KCNT2: variants seen among roughly 807,000 people sequenced by gnomAD.
KCNT2 encodes potassium channel subfamily T member 2.
KCNT2 carries 67 observed loss-of-function variants against 153.8 expected under a neutral mutation model. The ratio of observed to expected loss-of-function variants is 0.44; its 90% CI spans 0.36 to 0.53. The LOEUF is 0.53. Ranked by LOEUF, KCNT2 falls within the 20% of genes least tolerant of loss-of-function variation. KCNT2 has a pLI of 0.00. For missense variants in KCNT2, 975 were observed against 1,354.8 expected (o/e 0.72, Z 4.40); for synonymous variants, 500 against 458.8 (o/e 1.09, Z -1.15).
chr1:196,263,075 A>G (rs1277795906), intron 25 of KCNT2, among the ~76,000 whole-genome samples: 1 of 152,168 alleles, frequency 6.6e-6, no homozygotes, highest in African/African-American at 2.4e-5. Context: ...TGGAATGACA[A>G]AAATTATTTT....
intron 1 of KCNT2, among the ~76,000 whole-genome samples, chr1:196,602,971 A>G (rs1310194516): frequency 6.6e-6 from 1 of 150,708 alleles, no homozygotes; most frequent in Non-Finnish European, 1.5e-5. Context: ...TATTTTTAGT[A>G]GAGACGGGGT....
chr1:196,563,222 C>A (rs1183973861), intron 1 of KCNT2, among the ~76,000 whole-genome samples: 1 of 151,752 alleles, frequency 6.6e-6, no homozygotes, highest in Non-Finnish European at 1.5e-5. Flanking sequence ...TTTGGTTATT[C>A]TCTTTTAGGG....
intron 3 of KCNT2, among the ~76,000 whole-genome samples, chr1:196,483,441 T>G (rs1679171759): frequency 6.6e-6 from 1 of 152,192 alleles, no homozygotes; most frequent in Non-Finnish European, 1.5e-5. Context: ...GCAAATACAC[T>G]GATTCTTTCA....
At chr1:196,502,357 T>C (rs1391583568) in intron 1 of KCNT2, among the ~76,000 whole-genome samples, 2 of 152,222 alleles carry the variant, frequency 1.3e-5, no homozygotes, top group African/African-American at 4.8e-5. Flanking sequence ...TTTGATGACA[T>C]TTAGTAGCAT....
At chr1:196,463,482 T>A (rs142385158) in intron 8 of KCNT2, among the ~76,000 whole-genome samples, 13 of 151,840 alleles carry the variant, frequency 8.6e-5, no homozygotes, top group African/African-American at 3.1e-4. Flanking sequence ...TAAAATTGTA[T>A]GTAGTTAAAC....
intron 13 of KCNT2, among the ~76,000 whole-genome samples, chr1:196,397,449 T>A (rs945176891): frequency 6.6e-6 from 1 of 151,492 alleles, no homozygotes. Flanking sequence ...GGCACTGTTA[T>A]TTTTAAATTT....
At chr1:196,432,329 G>C (rs1276909254) in intron 8 of KCNT2, among the ~76,000 whole-genome samples, 2 of 152,122 alleles carry the variant, frequency 1.3e-5, no homozygotes, top group African/African-American at 4.8e-5. Context: ...TCCCCAACTA[G>C]AGCAATGCCT....
Position 196,334,006 on chromosome 1 carries a change from G to A in KCNT2, c.1838C>T (p.Thr613Ile), listed in dbSNP as rs1558158400. The A allele has an allele frequency of 6.2e-7, 1 of 1,613,370 alleles. No individual in the cohort carries two copies. The highest frequency in any genetic ancestry group is 2.2e-5 in the East Asian group (1 of 44,760). The change falls in exon 17 of 28, where the codon ACC becomes ATC. Residue 613 changes from threonine to isoleucine, a missense_variant. Thr to Ile is a moderately conservative substitution (Grantham distance 89). This residue lies in a region of KCNT2 where 325 missense variants were observed against 388.1 expected (regional missense o/e 0.84). Transcript: ENST00000294725. Reference protein sequence around the residue: ...DTSCRSASGPTLSLPTEGSKE... With the variant: ...DTSCRSASGPILSLPTEGSKE... ...GCTTCCCTCTGTAGGAAGAGACAGG[G>A]TAGGGCCACTTGCTGATCTACAGCT...
At chr1:196,593,800 G>A (rs570464669) in intron 1 of KCNT2, among the ~76,000 whole-genome samples, 8 of 152,090 alleles carry the variant, frequency 5.3e-5, no homozygotes, top group South Asian at 2.1e-4. Flanking sequence ...TTTGAATAGC[G>A]TACCTTCTAT....
At chr1:196,543,019 C>G (rs1382338038) in intron 1 of KCNT2, among the ~76,000 whole-genome samples, 2 of 152,000 alleles carry the variant, frequency 1.3e-5, no homozygotes, top group Non-Finnish European at 2.9e-5. Flanking sequence ...GTAGTGTTAG[C>G]AACATAAATA....
chr1:196,319,066 G>A (rs1196671024), intron 20 of KCNT2, among the ~76,000 whole-genome samples: 4 of 151,580 alleles, frequency 2.6e-5, no homozygotes, highest in Non-Finnish European at 5.9e-5. Context: ...AAACTCTAAA[G>A]GAATTGCTCC....
intron 7 of KCNT2, among the ~76,000 whole-genome samples, chr1:196,467,405 C>G (rs1307210386): frequency 6.7e-6 from 1 of 150,328 alleles, no homozygotes. Context: ...CAAATTTACA[C>G]TATGCATCAC....
chr1:196,584,168 G>GATAAA lies in KCNT2; in HGVS notation c.95+24042_95+24046dup, dbSNP rs67886282. Among the ~76,000 whole-genome samples the GATAAA allele has an allele frequency of 1.9e-3, 265 of 141,062 alleles. 2 individuals carry two copies. The highest frequency in any genetic ancestry group is 4.8e-3 in the African/African-American group (181 of 37,822). The allele number at this position is 141,062 out of a possible 152,430, so 92.5% of individuals were successfully genotyped here. A position where few individuals can be genotyped will look rare whatever the true frequency, so the allele number is the denominator to read the frequency against. ...CAATGATACTAGCATCTGGAATTAA[G>GATAAA]ATAAAATAAAATAAAATAAAATAAA... is the stretch of plus-strand genomic sequence containing the variant. On this transcript the variant is annotated intron_variant, in intron 1 of 27. Coordinates refer to ENST00000294725, the MANE Select transcript of KCNT2 (RefSeq NM_198503.5).
At chr1:196,548,133 T>TA (rs11296124) in intron 1 of KCNT2, among the ~76,000 whole-genome samples, 6 of 151,536 alleles carry the variant, frequency 4.0e-5, no homozygotes, top group African/African-American at 7.3e-5. Flanking sequence ...ATAAAAATAG[T>TA]AAAAAAAACA....
chr1:196,465,297 T>G lies in KCNT2; in HGVS notation c.634A>C (p.Thr212Pro), dbSNP rs750424763. 1 of 1,514,812 alleles carries G rather than the reference T, an allele frequency of 6.6e-7. No individual in the cohort carries two copies. The highest frequency in any genetic ancestry group is 1.1e-5 in the South Asian group (1 of 88,050). The allele number at this position is 1,514,812 out of a possible 1,614,324, so 93.8% of individuals were successfully genotyped here. A position where few individuals can be genotyped will look rare whatever the true frequency, so the allele number is the denominator to read the frequency against. Residue 212 changes from threonine (T) to proline (P), a missense_variant, in exon 8 of 28, where the codon ACC (threonine) becomes CCC (proline). Thr to Pro is a conservative substitution (Grantham distance 38). Transcript: ENST00000294725. ...LISTLLCLIFTCICGIQHLER... is the reference protein window; with the variant it reads ...LISTLLCLIFPCICGIQHLER... ...TTCTGATATGTACAATCTTACCAGG[T>G]GAAGATAAGGCATAGTAATGTAGAT...
intron 11 of KCNT2, among the ~76,000 whole-genome samples, chr1:196,425,599 T>C (rs560159273): frequency 3.9e-5 from 6 of 152,092 alleles, no homozygotes; most frequent in Admixed American, 2.6e-4. Flanking sequence ...ACTTTTTTCA[T>C]TGTGCTGTGT....
rs188692287 is a variant in KCNT2 at position 196,357,547 on chromosome 1, A to G, written c.1404-15319T>C. Among the ~76,000 whole-genome samples, 531 of 151,960 alleles carry G rather than the reference A, an allele frequency of 3.5e-3. 7 individuals are homozygous for G. The highest frequency in any genetic ancestry group is 0.012 in the African/African-American group (501 of 41,478). On this transcript the variant is annotated intron_variant, in intron 14 of 27. Coordinates refer to ENST00000294725, the MANE Select transcript of KCNT2 (RefSeq NM_198503.5). ...TTTTCAGTGGTAAATTTTAGGAATC[A>G]TTGGTTCTAGCTGTGGTGCAGACAT...
At chr1:196,582,255 T>G (rs7548553) in intron 1 of KCNT2, among the ~76,000 whole-genome samples, 72,622 of 151,712 alleles carry the variant, frequency 0.48, 19,775 homozygotes, top group Middle Eastern at 0.73. Context: ...AACTTCTCTA[T>G]GCCTGTTTCT....
At chr1:196,397,827 A>C (rs906706948) in intron 13 of KCNT2, among the ~76,000 whole-genome samples, 2 of 151,510 alleles carry the variant, frequency 1.3e-5, no homozygotes, top group Non-Finnish European at 3.0e-5. Flanking sequence ...ATTACATTTT[A>C]ATGACTTTTG....
Sources: gnomAD v4.1 joint callset for allele counts (sites outside exome capture counted in the v4.1 genomes callset) on GRCh38, gnomAD v4.1.1 for gene constraint, gnomAD v4.1.1 regional missense constraint, MANE v1.5 for transcripts, NCBI Gene and HGNC (gene_info 2026-07-23, HGNC 2026-07-21) for gene names.